MYO1E: variants seen among roughly 807,000 people sequenced by gnomAD.
MYO1E encodes the protein myosin IE, also known as unconventional myosin-Ie.
MYO1E carries 68 observed loss-of-function variants against 151.1 expected under a neutral mutation model. The ratio of observed to expected loss-of-function variants is 0.45; its 90% confidence interval spans 0.37 to 0.55. The LOEUF is 0.55. Among genes scored for constraint, MYO1E ranks in the 20% least tolerant of loss-of-function variants. The probability of loss-of-function intolerance (pLI) is 0.00; values close to 1 mark genes in which losing one functional copy is unlikely to be tolerated. For synonymous variants in MYO1E, 601 were observed against 501.7 expected (o/e 1.20, Z -2.64); for missense variants, 1,363 against 1,389.3 (o/e 0.98, Z 0.30).
intron 21 of MYO1E, among the ~76,000 whole-genome samples, chr15:59,173,131 C>T (rs2079605380): frequency 6.6e-6 from 1 of 152,184 alleles, no homozygotes; most frequent in South Asian, 2.1e-4. Context: ...AAAAGCCTTA[C>T]TTATCAGCCA....
chr15:59,137,570 C>G (rs1348978112), intron 27 of MYO1E, 114 bp from the exon 28 acceptor site: 5 of 864,978 alleles, frequency 5.8e-6, no homozygotes, highest in Admixed American at 5.6e-5. Flanking sequence ...GTTGTTTTCC[C>G]TTTGTTCTTT....
At chr15:59,232,300 T>C (rs2080033033) in intron 5 of MYO1E, among the ~76,000 whole-genome samples, 1 of 152,222 alleles carries the variant, frequency 6.6e-6, no homozygotes, top group South Asian at 2.1e-4. Context: ...CAAACTTTAA[T>C]ATTCATGAAT....
At chr15:59,371,134 G>T (rs1190278578) in intron 1 of MYO1E, among the ~76,000 whole-genome samples, 1 of 152,204 alleles carries the variant, frequency 6.6e-6, no homozygotes, top group African/African-American at 2.4e-5. Flanking sequence ...CTTTGGCCGA[G>T]GATGCCTTGA....
chr15:59,142,031 A>C (rs1192670221), intron 26 of MYO1E, among the ~76,000 whole-genome samples: 5 of 150,632 alleles, frequency 3.3e-5, no homozygotes, highest in South Asian at 4.2e-4. Context: ...GGCGTGAACC[A>C]GGGAGGCGGA....
chr15:59,150,721 C>G (rs1300470715), intron 26 of MYO1E, among the ~76,000 whole-genome samples: 1 of 152,146 alleles, frequency 6.6e-6, no homozygotes, highest in African/African-American at 2.4e-5. Context: ...CTGGCTTTAT[C>G]AATCAGACTA....
At chr15:59,274,097 G>C (rs1002604490) in intron 1 of MYO1E, among the ~76,000 whole-genome samples, 1 of 151,930 alleles carries the variant, frequency 6.6e-6, no homozygotes, top group Non-Finnish European at 1.5e-5. Context: ...TTTGCTAAGA[G>C]CAAGTTCTAA....
At chr15:59,334,366 G>A (rs1018560152) in intron 1 of MYO1E, among the ~76,000 whole-genome samples, 1 of 152,046 alleles carries the variant, frequency 6.6e-6, no homozygotes, top group African/African-American at 2.4e-5. Flanking sequence ...TTAAGGTGAT[G>A]GATACCCCAT....
At chr15:59,316,306 T>G (rs1434030282) in intron 1 of MYO1E, among the ~76,000 whole-genome samples, 2 of 152,196 alleles carry the variant, frequency 1.3e-5, no homozygotes, top group African/African-American at 4.8e-5. Flanking sequence ...TAAAAGTCCT[T>G]GACAGCAGAG....
At position 59,190,108 on chromosome 15, in the gene MYO1E, T is replaced by G. The variant is rs146626923; in HGVS notation, c.1806-1892A>C. ...TGGATGCCGACAGATCCTGAAAACTTGCTTCAGATCATCCACTCTGGGAAG... is the reference window on the plus strand; with the variant it reads ...TGGATGCCGACAGATCCTGAAAACTGGCTTCAGATCATCCACTCTGGGAAG... On this transcript the variant is annotated intron_variant, in intron 17 of 27. Coordinates refer to ENST00000288235, the MANE Select transcript of MYO1E (RefSeq NM_004998.4). 1.8e-4 allele frequency among the ~76,000 whole-genome samples: 27 copies of G among 152,320 alleles called. No homozygotes were observed. The East Asian group carries it at 2.7e-3, about 15-fold the overall frequency.
At position 59,223,387 on chromosome 15, in the gene MYO1E, C is replaced by T. The variant is rs1370151038; in HGVS notation, c.778-196G>A. ...CATGTGGCTTAGCTTGTGATGACAG[C>T]AGGACGTTCTTGTACAACATGGTCA... is the stretch of plus-strand genomic sequence containing the variant. On this transcript the variant is annotated intron_variant, in intron 8 of 27. Coordinates refer to ENST00000288235, the MANE Select transcript of MYO1E (RefSeq NM_004998.4). Among the ~76,000 whole-genome samples, 7 of 151,960 alleles carry T rather than the reference C, an allele frequency of 4.6e-5. No individual in the cohort carries two copies. In the East Asian group the frequency reaches 7.7e-4, roughly 17 times the overall value.
chr15:59,344,923 A>AT (rs1439877174), intron 1 of MYO1E, among the ~76,000 whole-genome samples: 2 of 152,226 alleles, frequency 1.3e-5, no homozygotes, highest in Non-Finnish European at 2.9e-5. Context: ...CCAGCATGTC[A>AT]TTTTTTAAAA....
intron 17 of MYO1E, among the ~76,000 whole-genome samples, chr15:59,191,049 G>C (rs1322213595): frequency 1.3e-5 from 2 of 152,158 alleles, no homozygotes; most frequent in Non-Finnish European, 2.9e-5. Flanking sequence ...CTGATGGGAA[G>C]GATGTCACAA....
intron 1 of MYO1E, among the ~76,000 whole-genome samples, chr15:59,345,410 A>T (rs1228776644): frequency 6.6e-6 from 1 of 152,128 alleles, no homozygotes; most frequent in Non-Finnish European, 1.5e-5. Flanking sequence ...TGCTCAAGGG[A>T]TTCTCCTGCC....
At chr15:59,182,305 C>G (rs1295411552) in intron 18 of MYO1E, among the ~76,000 whole-genome samples, 4 of 152,076 alleles carry the variant, frequency 2.6e-5, no homozygotes, top group African/African-American at 9.7e-5. Context: ...CTGCGCCTCC[C>G]GGGTTCAAGC....
intron 1 of MYO1E, among the ~76,000 whole-genome samples, chr15:59,276,700 A>G (rs1214442720): frequency 6.6e-6 from 1 of 152,236 alleles, no homozygotes; most frequent in Non-Finnish European, 1.5e-5. Context: ...CAAACACCAG[A>G]GTCCCTCACA....
intron 1 of MYO1E, among the ~76,000 whole-genome samples, chr15:59,363,257 G>C (rs534172083): frequency 2.0e-5 from 3 of 152,136 alleles, no homozygotes; most frequent in Admixed American, 2.0e-4. Flanking sequence ...GATTACAGGC[G>C]TGAGCCACCA....
At chr15:59,143,319 G>T (rs1333631485) in intron 26 of MYO1E, among the ~76,000 whole-genome samples, 9 of 152,174 alleles carry the variant, frequency 5.9e-5, no homozygotes, top group African/African-American at 2.2e-4. Flanking sequence ...TGTGGATAGT[G>T]GGGACTGTCT....
intron 19 of MYO1E, among the ~76,000 whole-genome samples, chr15:59,176,195 A>G (rs1276529882): frequency 6.6e-6 from 1 of 152,080 alleles, no homozygotes; most frequent in Non-Finnish European, 1.5e-5. Context: ...AGTAGCTGGG[A>G]CTACAGGCGC....
intron 2 of MYO1E, chr15:59,265,051 A>C (rs1479209218): frequency 6.6e-6 from 1 of 152,250 alleles, no homozygotes; most frequent in Non-Finnish European, 1.5e-5. Flanking sequence ...TAATGAATGA[A>C]GTAATAATGA....
Sources: gnomAD v4.1 joint callset for allele counts (sites outside exome capture counted in the v4.1 genomes callset) on GRCh38, gnomAD v4.1.1 for gene constraint, MANE v1.5 for transcripts, NCBI Gene and HGNC (gene_info 2026-07-23, HGNC 2026-07-21) for gene names.